The following ASTN1 variants were observed in gnomAD, a reference collection of about 807,000 sequenced individuals.
ASTN1 encodes the protein astrotactin 1.
A neutral mutation model predicts 140.7 loss-of-function variants in ASTN1; 41 were observed. The ratio of observed to expected loss-of-function variants is 0.29; its 90% CI spans 0.23 to 0.38. ASTN1 has a LOEUF of 0.38. Among genes scored for constraint, ASTN1 ranks in the 10% least tolerant of loss-of-function variants. The pLI is 1.00. For missense variants in ASTN1, 1,479 were observed against 1,678.8 expected, an observed-to-expected ratio of 0.88 and a Z score of 2.08; for synonymous variants, 640 against 652.2, an observed-to-expected ratio of 0.98 and a Z score of 0.29.
intron 1 of ASTN1, among the ~76,000 whole-genome samples, chr1:177,143,235 A>G (rs1294247622): frequency 6.6e-6 from 1 of 152,196 alleles, no homozygotes; most frequent in African/African-American, 2.4e-5. Flanking sequence ...GATAATTTAC[A>G]TTTCCCTCTC....
chr1:176,976,197 T>C (rs1199004660), intron 8 of ASTN1: 1 of 152,238 alleles, frequency 6.6e-6, no homozygotes, highest in Non-Finnish European at 1.5e-5. Context: ...TATGCAGCAT[T>C]GAGATTTTCC....
At chr1:177,160,016 T>A (rs544824219) in intron 1 of ASTN1, among the ~76,000 whole-genome samples, 14 of 152,336 alleles carry the variant, frequency 9.2e-5, no homozygotes, top group African/African-American at 3.4e-4. Context: ...TCAAGAAGTA[T>A]TTGCATAAAG....
At position 177,052,166 on chromosome 1, in the gene ASTN1, G is replaced by T. The variant is rs537235742; in HGVS notation, c.471+8912C>A. 9.2e-5 allele frequency among the ~76,000 whole-genome samples: 14 copies of T among 152,234 alleles called. No homozygotes were observed. In the South Asian group the frequency reaches 2.7e-3, roughly 29 times the overall value. ...TTCTATTGTCCTGATATCCCTAATT[G>T]CCTCGGTCTTTTCCCTAAGCACAAT... is the stretch of plus-strand genomic sequence containing the variant. On this transcript the variant is annotated intron_variant, in intron 2 of 22. Coordinates refer to ENST00000361833, the MANE Select transcript of ASTN1 (RefSeq NM_004319.3).
intron 8 of ASTN1, among the ~76,000 whole-genome samples, chr1:176,966,031 C>T (rs1672867685): frequency 6.6e-6 from 1 of 152,022 alleles, no homozygotes; most frequent in African/African-American, 2.4e-5. Context: ...ATCTCTAAGC[C>T]CATTATTTAA....
chr1:177,146,763 A>G (rs1249487942), intron 1 of ASTN1, among the ~76,000 whole-genome samples: 1 of 152,182 alleles, frequency 6.6e-6, no homozygotes, highest in Non-Finnish European at 1.5e-5. Flanking sequence ...CACTTAGTTC[A>G]CTTTCAAAAA....
chr1:177,155,968 C>T (rs991954515), intron 1 of ASTN1, among the ~76,000 whole-genome samples: 1 of 152,038 alleles, frequency 6.6e-6, no homozygotes, highest in Non-Finnish European at 1.5e-5. Flanking sequence ...TAACATCATC[C>T]TCCAATTAAA....
At chr1:177,023,660 AAT>A in intron 6 of ASTN1, 89 bp from the exon 7 acceptor site, 1 of 1,325,964 alleles carries the variant, frequency 7.5e-7, no homozygotes, top group Non-Finnish European at 1.0e-6. Context: ...CCAACCTGAG[AAT>A]TAGTACCAAT....
chr1:176,957,704 G>T lies in ASTN1; in HGVS notation c.1861C>A (p.Arg621Ser). ...ACGCAACCAGTGGAGTCCAGCTTGC[G>T]ATCTGAAATACAGCGGAAATTCTTA... ...CSKNFRCISDRKLDSTGCVCP... is the reference protein window; with the variant it reads ...CSKNFRCISDSKLDSTGCVCP... The change falls in exon 11 of 23, where the codon CGC (arginine) becomes AGC (serine). Residue 621 changes from arginine to serine, a missense_variant. Coordinates refer to ENST00000361833, the MANE Select transcript of ASTN1 (RefSeq NM_004319.3). The T allele has an allele frequency of 1.2e-6, 2 of 1,614,048 alleles. No homozygotes were observed. Among genetic ancestry groups the T allele is most frequent in the African/African-American group, 2.7e-5 (2 of 75,032 alleles).
chr1:177,126,404 C>A (rs2102192014), intron 1 of ASTN1, among the ~76,000 whole-genome samples: 1 of 152,282 alleles, frequency 6.6e-6, no homozygotes, highest in Middle Eastern at 3.4e-3. Context: ...TGTGTCTTAG[C>A]ATCTCTTGCA....
intron 1 of ASTN1, among the ~76,000 whole-genome samples, chr1:177,079,227 T>A (rs1679065192): frequency 6.6e-6 from 1 of 151,832 alleles, no homozygotes; most frequent in Non-Finnish European, 1.5e-5. Context: ...AAAGAGTGGA[T>A]CAAATGTCTG....
In ASTN1 at chr1:176,864,192, C is replaced by T; in HGVS notation, c.*92G>A. On this transcript the variant is annotated 3_prime_UTR_variant, in exon 23 of 23. Transcript: ENST00000361833. The stretch of plus-strand genomic sequence containing the variant: ...TGTTGCTGTGGAGGTTTTCATGTTC[C>T]ATTAAAAAATATTAAAAATCCACAG... 2 of 1,518,504 alleles carry T rather than the reference C, an allele frequency of 1.3e-6. No individual in the cohort carries two copies. Among genetic ancestry groups the T allele is most frequent in the Non-Finnish European group, 1.8e-6 (2 of 1,140,484 alleles). 94.1% of individuals were successfully genotyped at this position (1,518,504 alleles called of 1,614,324 possible). A position where few individuals can be genotyped will look rare whatever the true frequency, so the allele number is the denominator to read the frequency against.
At chr1:177,001,049 C>T (rs1276891047) in intron 8 of ASTN1, among the ~76,000 whole-genome samples, 1 of 152,172 alleles carries the variant, frequency 6.6e-6, no homozygotes, top group Non-Finnish European at 1.5e-5. Context: ...AAACAGAGGT[C>T]TGTGGATGTT....
At chr1:177,134,389 C>T (rs1007004880) in intron 1 of ASTN1, among the ~76,000 whole-genome samples, 4 of 152,200 alleles carry the variant, frequency 2.6e-5, no homozygotes, top group African/African-American at 9.6e-5. Context: ...TGATCTTCCA[C>T]CCCTGGAGTC....
intron 1 of ASTN1, among the ~76,000 whole-genome samples, chr1:177,119,819 G>A (rs1388941964): frequency 6.6e-6 from 1 of 152,062 alleles, no homozygotes; most frequent in Non-Finnish European, 1.5e-5. Context: ...ATTCCCATAT[G>A]CCCACAGAAC....
At chr1:177,097,008 T>C (rs947823958) in intron 1 of ASTN1, among the ~76,000 whole-genome samples, 1 of 151,824 alleles carries the variant, frequency 6.6e-6, no homozygotes, top group African/African-American at 2.4e-5. Flanking sequence ...CTTGGACTTC[T>C]CAGCCTCCAC....
chr1:176,916,235 T>A (rs1164208571), intron 16 of ASTN1, among the ~76,000 whole-genome samples: 1 of 152,174 alleles, frequency 6.6e-6, no homozygotes, highest in Non-Finnish European at 1.5e-5. Context: ...ATTTGTGAGA[T>A]AAGGATGCAG....
chr1:176,862,163 C>T lies in ASTN1; in HGVS notation c.*2121G>A, dbSNP rs867414879. The T allele has an allele frequency of 5.1e-6, 5 of 985,352 alleles. No homozygotes were observed. The South Asian group carries it at 1.4e-4, about 28-fold the overall frequency. The allele number at this position is 985,352 out of a possible 1,614,324, so 61.0% of individuals were successfully genotyped here. A position where few individuals can be genotyped will look rare whatever the true frequency, so the allele number is the denominator to read the frequency against. ...CCCTTGAGGCACTTTAACTGAGGCT[C>T]CAGCATTTGCCACAGGTGGGACAGC... On this transcript the variant is annotated 3_prime_UTR_variant, in exon 23 of 23. Transcript: ENST00000361833.
rs1368319509 is a variant in ASTN1, at chr1:177,149,269, CTATATATAGTAAATATATATATAGTA to C, written c.283+15099_283+15124del. Among the ~76,000 whole-genome samples the C allele has an allele frequency of 3.6e-4, 24 of 67,236 alleles. 1 individual carries two copies. The highest frequency in any genetic ancestry group is 8.1e-4 in the East Asian group (2 of 2,482). The allele number at this position is 67,236 out of a possible 152,430, so 44.1% of individuals were successfully genotyped here. ...ACTATATATAGTAAATATATATATA[CTATATATAGTAAATATATATATAGTA>C]TATATATAGTAAATATATATATAGT... On this transcript the variant is annotated intron_variant, in intron 1 of 22. Coordinates refer to ENST00000361833, the MANE Select transcript of ASTN1 (RefSeq NM_004319.3).
intron 1 of ASTN1, among the ~76,000 whole-genome samples, chr1:177,123,792 C>T (rs1031794220): frequency 3.9e-5 from 6 of 152,180 alleles, no homozygotes; most frequent in Non-Finnish European, 8.8e-5. Context: ...AGTGGTGCAG[C>T]AAGAAATTGG....
Sources: gnomAD v4.1 joint callset for allele counts (sites outside exome capture counted in the v4.1 genomes callset) on GRCh38, gnomAD v4.1.1 for gene constraint, MANE v1.5 for transcripts, NCBI Gene and HGNC (gene_info 2026-07-23, HGNC 2026-07-21) for gene names.